The following TBC1D22A variants were observed in gnomAD, a reference collection of about 807,000 sequenced individuals.
TBC1D22A encodes the protein TBC1 domain family member 22A.
A neutral mutation model predicts 60.2 loss-of-function variants in TBC1D22A; 38 were observed. That is an observed-to-expected ratio of 0.63 (90% CI 0.49 to 0.83). TBC1D22A has a LOEUF of 0.83. TBC1D22A is among the 40% of genes least tolerant of loss of function. The pLI is 0.00. For synonymous variants in TBC1D22A, 302 were observed against 281.7 expected, an observed-to-expected ratio of 1.07 and a Z score of -0.72; for missense variants, 628 against 701.0, an observed-to-expected ratio of 0.90 and a Z score of 1.18.
In TBC1D22A at chr22:46,990,395, G is replaced by A. The variant is rs796840741; in HGVS notation, c.1126-7239G>A. On this transcript the variant is annotated intron_variant, in intron 9 of 12. Transcript: ENST00000337137. This position sits in a 1 kb window ranked among gnomAD's most constrained non-coding sequence, Gnocchi z 4.6. ...TCCAGAAAAATTGAGCAGGAGGTTA[G>A]AGAGGCCCCATGTGCTCCTCAGCGT... 1.3e-5 allele frequency among the ~76,000 whole-genome samples: 2 copies of A among 151,990 alleles called. No homozygotes were observed. The highest frequency in any genetic ancestry group is 2.9e-5 in the Non-Finnish European group (2 of 68,014).
chr22:46,764,167 A>G (rs976073896), intron 1 of TBC1D22A: 12 of 152,224 alleles, frequency 7.9e-5, no homozygotes, highest in African/African-American at 2.9e-4. Flanking sequence ...CAGCTCAGAC[A>G]GTGGCTTTGA....
chr22:46,815,870 T>C (rs1407704439), intron 4 of TBC1D22A, among the ~76,000 whole-genome samples: 2 of 151,938 alleles, frequency 1.3e-5, no homozygotes, highest in Non-Finnish European at 2.9e-5. Flanking sequence ...AGGGCCTGCG[T>C]GGAGGGGAGG....
chr22:46,828,576 C>T lies in TBC1D22A; in HGVS notation c.637+30956C>T, dbSNP rs554878282. Among the ~76,000 whole-genome samples the T allele has an allele frequency of 3.6e-4, 55 of 152,360 alleles. No individual in the cohort carries two copies. In the East Asian group the frequency reaches 6.6e-3, roughly 18 times the overall value. On this transcript the variant is annotated intron_variant, in intron 4 of 12. Coordinates refer to ENST00000337137, the MANE Select transcript of TBC1D22A (RefSeq NM_014346.5). ...GGCGTCCAGCTTACCTCTTCCTGCC[C>T]GTCTCCCACAGGAGATCTTGTTAGA...
chr22:46,840,768 C>A (rs987957121), intron 4 of TBC1D22A, among the ~76,000 whole-genome samples: 42 of 151,672 alleles, frequency 2.8e-4, no homozygotes, highest in Non-Finnish European at 4.4e-4. Context: ...AACAAGCATT[C>A]GTGAGAATTT....
intron 12 of TBC1D22A, among the ~76,000 whole-genome samples, chr22:47,149,616 C>T (rs1352269016): frequency 6.6e-6 from 1 of 152,220 alleles, no homozygotes; most frequent in Non-Finnish European, 1.5e-5. Context: ...CCAGCCCTGC[C>T]CCGGGAGCTC....
intron 12 of TBC1D22A, among the ~76,000 whole-genome samples, chr22:47,115,404 C>T (rs1424796950): frequency 6.8e-6 from 1 of 146,214 alleles, no homozygotes; most frequent in Non-Finnish European, 1.5e-5. Flanking sequence ...CTCCGCTGAG[C>T]CCTGCCCCGC....
intron 7 of TBC1D22A, among the ~76,000 whole-genome samples, chr22:46,900,215 G>A (rs9627617): frequency 0.11 from 16,396 of 150,858 alleles, 1,493 homozygotes; most frequent in African/African-American, 0.25. Context: ...GCAGTGGTGC[G>A]ATCTCGGCTC....
chr22:47,156,016 G>T (rs2067703146), intron 12 of TBC1D22A, among the ~76,000 whole-genome samples: 1 of 152,126 alleles, frequency 6.6e-6, no homozygotes, highest in African/African-American at 2.4e-5. Flanking sequence ...GTGACACCGG[G>T]TTCATCAAGT....
chr22:46,862,335 G>A (rs554130743), intron 4 of TBC1D22A, among the ~76,000 whole-genome samples: 9 of 152,200 alleles, frequency 5.9e-5, no homozygotes, highest in Admixed American at 3.9e-4. Context: ...GTGGCCCAAG[G>A]AGGCTGTGGG....
chr22:46,886,183 G>T (rs1291119135), intron 5 of TBC1D22A, among the ~76,000 whole-genome samples: 1 of 152,172 alleles, frequency 6.6e-6, no homozygotes, highest in Non-Finnish European at 1.5e-5. Flanking sequence ...ACAGGTGTGA[G>T]CCGCCGCGCC....
chr22:47,046,424 T>A (rs1209285794), intron 11 of TBC1D22A, among the ~76,000 whole-genome samples: 1 of 152,170 alleles, frequency 6.6e-6, no homozygotes, highest in Non-Finnish European at 1.5e-5. Flanking sequence ...TGAACCTCCC[T>A]TAGCGACTGG....
chr22:46,797,567 C>T lies in TBC1D22A; in HGVS notation c.584C>T (p.Ala195Val), dbSNP rs1304770672. ...LSSSALSERE[A>V]SRLDKFKQLL... ...AGCTCAGCGCTGAGCGAAAGAGAGG[C>T]CTCCCGGCTCGACAAGTTCAAGCAG... The change falls in exon 4 of 13, where the codon GCC becomes GTC. Residue 195 changes from alanine (A) to valine (V), a missense_variant. Coordinates refer to ENST00000337137, the MANE Select transcript of TBC1D22A (RefSeq NM_014346.5). The T allele has an allele frequency of 6.2e-7, 1 of 1,613,212 alleles. No homozygotes were observed. The highest frequency in any genetic ancestry group is 8.5e-7 in the Non-Finnish European group (1 of 1,179,430).
At chr22:46,876,220 C>T (rs1169702300) in intron 4 of TBC1D22A, among the ~76,000 whole-genome samples, 2 of 152,180 alleles carry the variant, frequency 1.3e-5, no homozygotes, top group African/African-American at 2.4e-5. Context: ...TTCAGATTCT[C>T]GTATGTGCCT....
intron 7 of TBC1D22A, among the ~76,000 whole-genome samples, chr22:46,908,624 C>T (rs1238742442): frequency 1.3e-5 from 2 of 152,138 alleles, no homozygotes; most frequent in African/African-American, 2.4e-5. Flanking sequence ...GTAATACAAG[C>T]GTGCTCTTTT....
At chr22:47,045,764 C>T (rs1213411152) in intron 11 of TBC1D22A, among the ~76,000 whole-genome samples, 1 of 152,106 alleles carries the variant, frequency 6.6e-6, no homozygotes, top group Admixed American at 6.5e-5. Context: ...GATCTCCAAC[C>T]ACAGCAACCT....
At chr22:46,801,325 G>A (rs1601920389) in intron 4 of TBC1D22A, among the ~76,000 whole-genome samples, 1 of 152,240 alleles carries the variant, frequency 6.6e-6, no homozygotes, top group Non-Finnish European at 1.5e-5. Context: ...CATGAAAGAC[G>A]TAAGTGGCAA....
At chr22:46,772,546 A>C (rs2083524505) in intron 1 of TBC1D22A, among the ~76,000 whole-genome samples, 1 of 64,750 alleles carries the variant, frequency 1.5e-5, no homozygotes, top group South Asian at 4.8e-4. Flanking sequence ...ATATATATGT[A>C]TACACACATA....
intron 8 of TBC1D22A, among the ~76,000 whole-genome samples, chr22:46,967,365 T>G (rs548108820): frequency 1.2e-4 from 18 of 152,338 alleles, no homozygotes; most frequent in Non-Finnish European, 2.1e-4. Context: ...CTCACCAAAG[T>G]ACTGGAGTTT....
intron 8 of TBC1D22A, among the ~76,000 whole-genome samples, chr22:46,959,014 G>A (rs2073355418): frequency 6.6e-6 from 1 of 152,134 alleles, no homozygotes; most frequent in Non-Finnish European, 1.5e-5. Flanking sequence ...AAATGAAACG[G>A]GCATTGGCTG....
Sources: gnomAD v4.1 joint callset for allele counts (sites outside exome capture counted in the v4.1 genomes callset) on GRCh38, gnomAD v4.1.1 for gene constraint, Gnocchi (gnomAD v3.1) non-coding constraint, MANE v1.5 for transcripts, NCBI Gene and HGNC (gene_info 2026-07-23, HGNC 2026-07-21) for gene names.